Variants in SYNPO2L observed in about 807,000 individuals in gnomAD.
The protein encoded by SYNPO2L is synaptopodin 2 like.
A neutral mutation model predicts 47.5 loss-of-function variants in SYNPO2L; 34 were observed. The observed-to-expected ratio is 0.72, with a 90% CI of 0.54 to 0.95. SYNPO2L has a LOEUF of 0.95. Among genes scored for constraint, SYNPO2L ranks in the 40% least tolerant of loss-of-function variants. The probability of loss-of-function intolerance (pLI) is 0.00; values close to 1 mark genes in which losing one functional copy is unlikely to be tolerated. For synonymous variants in SYNPO2L, 536 were observed against 524.9 expected (o/e 1.02, Z -0.29); for missense variants, 1,246 against 1,282.0 (o/e 0.97, Z 0.43).
intron 3 of SYNPO2L, among the ~76,000 whole-genome samples, chr10:73,652,438 G>A (rs528411482): frequency 3.9e-5 from 6 of 152,242 alleles, no homozygotes; most frequent in Admixed American, 6.5e-5. Flanking sequence ...GGAGGCCGAG[G>A]TAGGCATATC....
rs1003801727 is a variant in SYNPO2L, at chr10:73,647,073, G to A, written c.2579C>T (p.Ala860Val). The change falls in exon 4 of 4, where the codon GCC becomes GTC. Residue 860 changes from alanine to valine, a missense_variant. This residue lies in a region of SYNPO2L where 1,037 missense variants were observed against 1,021.5 expected (regional missense o/e 1.02). Coordinates refer to ENST00000394810, the MANE Select transcript of SYNPO2L (RefSeq NM_001114133.3). ...GGGAACCTCATCAAAACAGAACATG[G>A]CAGTTTTAAGTTGATAGGGCTGATG... ...MRHQPYQLKTAMFCFDEVPPT... is the reference protein window; with the variant it reads ...MRHQPYQLKTVMFCFDEVPPT... 6.2e-7 allele frequency: 1 copy of A among 1,613,968 alleles called. No individual in the cohort carries two copies. Among genetic ancestry groups the A allele is most frequent in the African/African-American group, 1.3e-5 (1 of 74,916 alleles).
Position 73,655,957 on chromosome 10 carries a change from C to T in SYNPO2L, c.-35G>A. The T allele has an allele frequency of 6.5e-7, 1 of 1,527,948 alleles. No individual in the cohort carries two copies. The highest frequency in any genetic ancestry group is 8.8e-7 in the Non-Finnish European group (1 of 1,131,666). 94.6% of individuals were successfully genotyped at this position (1,527,948 alleles called of 1,614,324 possible). On this transcript the variant is annotated 5_prime_UTR_variant, in exon 1 of 4. Coordinates refer to ENST00000394810, the MANE Select transcript of SYNPO2L (RefSeq NM_001114133.3). ...TGGCCTATGGCCCCCGGAGTTTGAACAGTGTCCCCAGGAGAGAAGTTGAGG... is the reference window on the plus strand; with the variant it reads ...TGGCCTATGGCCCCCGGAGTTTGAATAGTGTCCCCAGGAGAGAAGTTGAGG...
At position 73,646,985 on chromosome 10, in the gene SYNPO2L, C is replaced by A; in HGVS notation, c.2667G>T (p.Arg889=). 6.2e-7 allele frequency: 1 copy of A among 1,612,494 alleles called. No individual in the cohort carries two copies. The highest frequency in any genetic ancestry group is 2.2e-5 in the East Asian group (1 of 44,830). The change falls in exon 4 of 4, where the codon CGG becomes CGT. Residue 889 remains arginine, a synonymous_variant. Transcript: ENST00000394810. ...PKTARVQEIR[R]FSTPAPQPTA... is the part of the protein sequence containing the mutation. ...TGGGCTGGGGTGCCGGAGTGGAAAA[C>A]CGGCGAATCTCCTGGACTCGGGCAG...
In SYNPO2L at chr10:73,645,274, T is replaced by G. The variant is rs1034676746; in HGVS notation, c.*1444A>C. 1 of 1,087,152 alleles carries G rather than the reference T, an allele frequency of 9.2e-7. No homozygotes were observed. 67.3% of individuals were successfully genotyped at this position (1,087,152 alleles called of 1,614,324 possible). A position where few individuals can be genotyped will look rare whatever the true frequency, so the allele number is the denominator to read the frequency against. On this transcript the variant is annotated 3_prime_UTR_variant, in exon 4 of 4. Coordinates refer to ENST00000394810, the MANE Select transcript of SYNPO2L (RefSeq NM_001114133.3). ...ATTCCCTTCCATTCTAACATTCTTC[T>G]CCCTCAAATTTTTTTCCAATCCCCC...
At chr10:73,649,048 G>T (rs1031207185) in intron 3 of SYNPO2L, among the ~76,000 whole-genome samples, 169 bp from the exon 4 acceptor site, 1 of 152,202 alleles carries the variant, frequency 6.6e-6, no homozygotes, top group African/African-American at 2.4e-5. Flanking sequence ...GAGGGTGAAA[G>T]GTGAAACCAA....
Position 73,647,948 on chromosome 10 carries a change from G to C in SYNPO2L, c.1704C>G (p.Pro568=). The change falls in exon 4 of 4, where the codon CCC becomes CCG. Residue 568 remains proline, a synonymous_variant. Transcript: ENST00000394810. ...PVTPGGAPEP[P]APPSAAAMTS... ...TCATGGCAGCTGCGCTAGGAGGAGC[G>C]GGGGGCTCTGGAGCTCCACCTGGGG... 1 of 1,530,942 alleles carries C rather than the reference G, an allele frequency of 6.5e-7. No homozygotes were observed. Among genetic ancestry groups the C allele is most frequent in the Non-Finnish European group, 8.8e-7 (1 of 1,141,858 alleles). The allele number at this position is 1,530,942 out of a possible 1,614,324, so 94.8% of individuals were successfully genotyped here. A position where few individuals can be genotyped will look rare whatever the true frequency, so the allele number is the denominator to read the frequency against.
At position 73,648,150 on chromosome 10, in the gene SYNPO2L, C is replaced by T; in HGVS notation, c.1502G>A (p.Gly501Asp). 6.5e-7 allele frequency: 1 copy of T among 1,544,186 alleles called. No homozygotes were observed. ...GAAGGGGGGTGGGGCGGGGCTGAGG[C>T]CCCCCAGGCTGTCGTTCGCCCTTTT... Reference protein sequence around the residue: ...APKRANDSLGGLSPAPPPFLS... With the variant: ...APKRANDSLGDLSPAPPPFLS... The change falls in exon 4 of 4, where the codon GGC becomes GAC. Residue 501 changes from glycine (G) to aspartate (D), a missense_variant. Gly to Asp is a moderately conservative substitution (Grantham distance 94). Around this residue, in one of 3 missense-constraint regions of SYNPO2L, gnomAD observed 1,037 missense variants for 1,021.5 expected, o/e 1.02. Coordinates refer to ENST00000394810, the MANE Select transcript of SYNPO2L (RefSeq NM_001114133.3).
chr10:73,655,614 C>T (rs1266251502), intron 1 of SYNPO2L, among the ~76,000 whole-genome samples: 1 of 152,074 alleles, frequency 6.6e-6, no homozygotes, highest in African/African-American at 2.4e-5. Context: ...ACCGCGAATT[C>T]TCTTTTCTAA....
chr10:73,651,901 C>A (rs1199618811), intron 3 of SYNPO2L, among the ~76,000 whole-genome samples: 1 of 151,756 alleles, frequency 6.6e-6, no homozygotes, highest in Non-Finnish European at 1.5e-5. Context: ...TAGTGAAACG[C>A]CGTCTCTACT....
intron 3 of SYNPO2L, chr10:73,650,922 T>A: frequency 6.2e-7 from 1 of 1,612,844 alleles, no homozygotes; most frequent in Non-Finnish European, 8.5e-7. Context: ...ATAGAACGAG[T>A]CTTGGAGCTC....
At position 73,645,936 on chromosome 10, in the gene SYNPO2L, T is replaced by C. The variant is rs2081742529; in HGVS notation, c.*782A>G. 1.1e-6 allele frequency: 1 copy of C among 881,392 alleles called. No homozygotes were observed. Among genetic ancestry groups the C allele is most frequent in the South Asian group, 5.2e-5 (1 of 19,154 alleles). 54.6% of individuals were successfully genotyped at this position (881,392 alleles called of 1,614,324 possible). On this transcript the variant is annotated 3_prime_UTR_variant, in exon 4 of 4. Transcript: ENST00000394810. Reference sequence around the variant, plus strand: ...GCCTTCCAGGTTCATGCCATTCTCCTGCCTCAGCCTCCCGAGTAGCTGGGA... The same window carrying C: ...GCCTTCCAGGTTCATGCCATTCTCCCGCCTCAGCCTCCCGAGTAGCTGGGA...
chr10:73,653,290 C>T lies in SYNPO2L; in HGVS notation c.621G>A (p.Gly207=), dbSNP rs2081854925. The change falls in exon 3 of 4, where the codon GGG becomes GGA. Residue 207 remains glycine, a synonymous_variant. Coordinates refer to ENST00000394810, the MANE Select transcript of SYNPO2L (RefSeq NM_001114133.3). The stretch of plus-strand genomic sequence containing the variant: ...CAGCTGGGGGTGGCTGAAGGGCTGC[C>T]CCATCCTCCCAAGACGGGGAGCTCA... ...SRVSSPSWED[G]AALQPPPAEA... The T allele has an allele frequency of 7.7e-6, 12 of 1,551,174 alleles. No individual in the cohort carries two copies. The highest frequency in any genetic ancestry group is 1.4e-5 in the African/African-American group (1 of 73,134).
Position 73,656,016 on chromosome 10 carries a change from G to T in SYNPO2L, c.-94C>A. 1.9e-6 allele frequency: 2 copies of T among 1,078,410 alleles called. No homozygotes were observed. Among genetic ancestry groups the T allele is most frequent in the Non-Finnish European group, 1.3e-6 (1 of 758,802 alleles). 66.8% of individuals were successfully genotyped at this position (1,078,410 alleles called of 1,614,324 possible). On this transcript the variant is annotated 5_prime_UTR_variant, in exon 1 of 4. Transcript: ENST00000394810. ...CCCCGTCTGGGCTTCCTGTCCGGCTGTCCTGCTCCTGCTGCCCCAGGCCTC... is the reference window on the plus strand; with the variant it reads ...CCCCGTCTGGGCTTCCTGTCCGGCTTTCCTGCTCCTGCTGCCCCAGGCCTC...
chr10:73,647,168 G>T lies in SYNPO2L; in HGVS notation c.2484C>A (p.Leu828=), dbSNP rs761566174. ...SPFFPQAART[L]PKAQSQGPRA... is the part of the protein sequence containing the mutation. ...GAGGCCCCTGGGATTGGGCCTTAGG[G>T]AGAGTTCGGGCCGCCTGGGGGAAAA... Residue 828 remains leucine (L), a synonymous_variant, in exon 4 of 4, where the codon CTC becomes CTA. Transcript: ENST00000394810. The T allele has an allele frequency of 1.2e-6, 2 of 1,613,986 alleles. No homozygotes were observed. Among genetic ancestry groups the T allele is most frequent in the East Asian group, 4.5e-5 (2 of 44,860 alleles).
chr10:73,648,338 G>A lies in SYNPO2L; in HGVS notation c.1314C>T (p.Ser438=). ...GGCTGGCTACAGGCGCCGGCAAGGG[G>A]CTGGGTGGGAGCACAGCTGCCTCTG... ...APPEAAVLPP[S]PLPAPVASPR... is the part of the protein sequence containing the mutation. The change falls in exon 4 of 4, where the codon AGC becomes AGT. Residue 438 remains serine (S), a synonymous_variant. Coordinates refer to ENST00000394810, the MANE Select transcript of SYNPO2L (RefSeq NM_001114133.3). The A allele has an allele frequency of 6.2e-7, 1 of 1,605,016 alleles. No individual in the cohort carries two copies. The highest frequency in any genetic ancestry group is 8.5e-7 in the Non-Finnish European group (1 of 1,178,994).
At position 73,645,045 on chromosome 10, in the gene SYNPO2L, G is replaced by A; in HGVS notation, c.*1673C>T. On this transcript the variant is annotated 3_prime_UTR_variant, in exon 4 of 4. Coordinates refer to ENST00000394810, the MANE Select transcript of SYNPO2L (RefSeq NM_001114133.3). ...CTAAGATTGGAGATCAGGACCTGAA[G>A]CTGAAAAGAAGCAATAGCTGGGGTT... is the stretch of plus-strand genomic sequence containing the variant. The A allele has an allele frequency of 7.9e-7, 1 of 1,266,294 alleles. No homozygotes were observed. The highest frequency in any genetic ancestry group is 1.0e-6 in the Non-Finnish European group (1 of 974,456). The allele number at this position is 1,266,294 out of a possible 1,614,324, so 78.4% of individuals were successfully genotyped here.
chr10:73,648,957 C>T lies in SYNPO2L; in HGVS notation c.773-78G>A, dbSNP rs138156639. ...TCCTGTTCCCCAAGGCTTTCACCCC[C>T]CATCCCAGCAAGCTCCCTCTTGCAC... On this transcript the variant is annotated intron_variant, in intron 3 of 3. Coordinates refer to ENST00000394810, the MANE Select transcript of SYNPO2L (RefSeq NM_001114133.3). 1.3e-5 allele frequency: 18 copies of T among 1,413,362 alleles called. 1 individual carries two copies. The African/African-American group carries it at 2.0e-4, about 16-fold the overall frequency. 87.6% of individuals were successfully genotyped at this position (1,413,362 alleles called of 1,614,324 possible).
At chr10:73,652,249 C>T (rs1397729537) in intron 3 of SYNPO2L, among the ~76,000 whole-genome samples, 1 of 152,042 alleles carries the variant, frequency 6.6e-6, no homozygotes, top group Non-Finnish European at 1.5e-5. Context: ...ACCTCTCAGG[C>T]TCAAGCAATC....
rs778882286 is a variant in SYNPO2L at position 73,647,715 on chromosome 10, T to C, written c.1937A>G (p.Asn646Ser). Residue 646 changes from asparagine to serine, a missense_variant, in exon 4 of 4, where the codon AAC (asparagine) becomes AGC (serine). Asn to Ser is a conservative substitution (Grantham distance 46). Transcript: ENST00000394810. ...CGATAGCAGCTCGGGGTTGGGCGAG[T>C]TCTTCGTCTCCTCCTTTCCCGGCCG... ...MFRPGKEETK[N>S]SPNPELLSLV... 1 of 1,613,950 alleles carries C rather than the reference T, an allele frequency of 6.2e-7. No homozygotes were observed. Among genetic ancestry groups the C allele is most frequent in the East Asian group, 2.2e-5 (1 of 44,864 alleles).
Sources: gnomAD v4.1 joint callset for allele counts (sites outside exome capture counted in the v4.1 genomes callset) on GRCh38, gnomAD v4.1.1 for gene constraint, gnomAD v4.1.1 regional missense constraint, MANE v1.5 for transcripts, NCBI Gene and HGNC (gene_info 2026-07-23, HGNC 2026-07-21) for gene names.